Variants in NUDT3 observed in about 807,000 individuals in gnomAD.
The protein encoded by NUDT3 is nudix hydrolase 3.
Under a neutral mutation model 23.6 loss-of-function variants are expected in NUDT3, and 9 were observed. The ratio of observed to expected loss-of-function variants is 0.38; its 90% CI spans 0.23 to 0.66. The LOEUF (loss-of-function observed/expected upper bound fraction) is 0.66, where lower values mean the gene tolerates loss of function less well. Among genes scored for constraint, NUDT3 ranks in the 30% least tolerant of loss-of-function variants. The pLI is 0.52. For synonymous variants in NUDT3, 86 were observed against 82.6 expected (o/e 1.04, Z -0.22); for missense variants, 172 against 218.5 (o/e 0.79, Z 1.34).
intron 2 of NUDT3, among the ~76,000 whole-genome samples, chr6:34,303,197 ATTTTTTTTTTTTTTTTT>A (rs55915428): frequency 1.3e-5 from 1 of 74,552 alleles, no homozygotes. Context: ...ATACCTGGCA[ATTTTTTTTTTTTTTTTT>A]TTTTTTTTTT....
At position 34,350,020 on chromosome 6, in the gene NUDT3, T is replaced by A. The variant is rs1488238024; in HGVS notation, c.100-8048A>T. Among the ~76,000 whole-genome samples, 2 of 148,624 alleles carry A rather than the reference T, an allele frequency of 1.3e-5. 1 individual carries two copies. The highest frequency in any genetic ancestry group is 3.0e-5 in the Non-Finnish European group (2 of 67,304). On this transcript the variant is annotated intron_variant, in intron 1 of 4. Transcript: ENST00000607016. ...AGGAGAATGGCGTGAATCCGGGGGG[T>A]GGAGCTTGCAGTGAGCCGAGATCGC...
At chr6:34,322,355 C>T (rs748612764) in intron 2 of NUDT3, among the ~76,000 whole-genome samples, 11 of 152,026 alleles carry the variant, frequency 7.2e-5, no homozygotes, top group African/African-American at 1.9e-4. Context: ...CTCAGCCTCC[C>T]GAGTAGCTGG....
chr6:34,369,332 T>C (rs1764791925), intron 1 of NUDT3, among the ~76,000 whole-genome samples: 1 of 152,202 alleles, frequency 6.6e-6, no homozygotes, highest in Non-Finnish European at 1.5e-5. Flanking sequence ...GAAAAAAGCA[T>C]CCTGAAATCT....
chr6:34,371,478 A>C (rs2113759981), intron 1 of NUDT3, among the ~76,000 whole-genome samples: 1 of 152,304 alleles, frequency 6.6e-6, no homozygotes, highest in South Asian at 2.1e-4. Context: ...AAAAAAAAGA[A>C]AAAATGCTTT....
chr6:34,363,691 T>C (rs1764682616), intron 1 of NUDT3, among the ~76,000 whole-genome samples: 3 of 152,188 alleles, frequency 2.0e-5, no homozygotes, highest in Non-Finnish European at 4.4e-5. Context: ...CCTTCTGAAA[T>C]GTCAGAAAAG....
At chr6:34,324,018 T>C (rs751936501) in intron 2 of NUDT3, among the ~76,000 whole-genome samples, 8 of 152,208 alleles carry the variant, frequency 5.3e-5, no homozygotes, top group Non-Finnish European at 1.2e-4. Context: ...GCTACACTAA[T>C]ACACTAATAG....
intron 2 of NUDT3, among the ~76,000 whole-genome samples, chr6:34,338,049 C>A (rs796195433): frequency 1.3e-5 from 2 of 152,336 alleles, no homozygotes; most frequent in African/African-American, 4.8e-5. Context: ...CAGAAAGAGT[C>A]AGGCAAAGGT....
intron 2 of NUDT3, among the ~76,000 whole-genome samples, chr6:34,299,998 C>A (rs1216666399): frequency 6.6e-6 from 1 of 152,008 alleles, no homozygotes; most frequent in Non-Finnish European, 1.5e-5. Flanking sequence ...ATCCTCCCAC[C>A]TTGGTCTCCC....
chr6:34,341,908 G>A lies in NUDT3; in HGVS notation c.164C>T (p.Pro55Leu). Residue 55 changes from proline (P) to leucine (L), a missense_variant, in exon 2 of 5, where the codon CCC becomes CTC. By Grantham distance (98) the Pro-to-Leu change is moderately conservative (BLOSUM62 -3). Coordinates refer to ENST00000607016, the MANE Select transcript of NUDT3 (RefSeq NM_006703.4). ...RWIVPGGGME[P>L]EEEPSVAAVR... ...TGCTGCCACACTTGGCTCCTCCTCG[G>A]GCTCCATGCCTCCTCCAGGGACAAT... The A allele has an allele frequency of 6.2e-7, 1 of 1,613,990 alleles. No homozygotes were observed.
chr6:34,381,973 T>C (rs1327360776), intron 1 of NUDT3, among the ~76,000 whole-genome samples: 1 of 139,984 alleles, frequency 7.1e-6, no homozygotes, highest in Non-Finnish European at 1.5e-5. Flanking sequence ...CTCGGGAGGC[T>C]GACACAGGAA....
At chr6:34,334,924 G>GA (rs544939862) in intron 2 of NUDT3, among the ~76,000 whole-genome samples, 55 of 81,426 alleles carry the variant, frequency 6.8e-4, no homozygotes, top group South Asian at 5.0e-3. Context: ...AAAAGAAAAA[G>GA]AAAAAAAAAA....
In NUDT3 at chr6:34,297,728, A is replaced by T. The variant is rs865788069; in HGVS notation, c.211-2043T>A. 9.7e-3 allele frequency among the ~76,000 whole-genome samples: 506 copies of T among 51,964 alleles called. 4 individuals are homozygous for T. Among genetic ancestry groups the T allele is most frequent in the African/African-American group, 0.037 (427 of 11,458 alleles). The allele number at this position is 51,964 out of a possible 152,430, so 34.1% of individuals were successfully genotyped here. ...TACACCCGGCTAATGTAAAAAAAAAAAAATATATATATATATATATATATA... is the reference window on the plus strand; with the variant it reads ...TACACCCGGCTAATGTAAAAAAAAATAAATATATATATATATATATATATA... On this transcript the variant is annotated intron_variant, in intron 2 of 4. Transcript: ENST00000607016.
At chr6:34,290,895 A>G (rs1262360160) in intron 4 of NUDT3, among the ~76,000 whole-genome samples, 1 of 151,268 alleles carries the variant, frequency 6.6e-6, no homozygotes, top group Non-Finnish European at 1.5e-5. Context: ...CCCAGGCTCA[A>G]GCAATTCTCA....
intron 1 of NUDT3, among the ~76,000 whole-genome samples, chr6:34,344,669 T>C (rs1313737289): frequency 2.0e-5 from 3 of 152,132 alleles, no homozygotes; most frequent in Non-Finnish European, 4.4e-5. Context: ...TTTTTTTTTT[T>C]CCGATGGAGT....
At chr6:34,305,035 A>C (rs1005453199) in intron 2 of NUDT3, among the ~76,000 whole-genome samples, 2 of 129,560 alleles carry the variant, frequency 1.5e-5, no homozygotes, top group African/African-American at 6.1e-5. Flanking sequence ...CAGGCAGGAG[A>C]GCAATGGCGT....
intron 2 of NUDT3, among the ~76,000 whole-genome samples, chr6:34,309,313 A>C (rs1192431010): frequency 6.6e-6 from 1 of 152,234 alleles, no homozygotes; most frequent in East Asian, 1.9e-4. Context: ...ATAACATATG[A>C]ATTAAAGCAG....
chr6:34,329,951 C>T (rs1189451121), intron 2 of NUDT3, among the ~76,000 whole-genome samples: 1 of 152,168 alleles, frequency 6.6e-6, no homozygotes, highest in Non-Finnish European at 1.5e-5. Flanking sequence ...TTTCCAGCTT[C>T]ATCCATGTCC....
chr6:34,299,469 C>T lies in NUDT3; in HGVS notation c.211-3784G>A, dbSNP rs762946150. Among the ~76,000 whole-genome samples the T allele has an allele frequency of 3.3e-5, 5 of 152,076 alleles. No homozygotes were observed. In the Middle Eastern group the frequency reaches 0.01, roughly 310 times the overall value. On this transcript the variant is annotated intron_variant, in intron 2 of 4. Transcript: ENST00000607016. ...TTTAAGAGACAGGGTCTCACTCTGT[C>T]GCCCAGGCTAGGGCGCATGGTCATA... is the stretch of plus-strand genomic sequence containing the variant.
chr6:34,372,243 C>T (rs1401976534), intron 1 of NUDT3, among the ~76,000 whole-genome samples: 1 of 152,084 alleles, frequency 6.6e-6, no homozygotes, highest in African/African-American at 2.4e-5. Context: ...ATTTATAATC[C>T]TTTGGGTATA....
Sources: gnomAD v4.1 joint callset for allele counts (sites outside exome capture counted in the v4.1 genomes callset) on GRCh38, gnomAD v4.1.1 for gene constraint, MANE v1.5 for transcripts, NCBI Gene and HGNC (gene_info 2026-07-23, HGNC 2026-07-21) for gene names.